Variants in PALM2AKAP2 observed in about 807,000 individuals in gnomAD.
PALM2AKAP2 encodes PALM2-AKAP2 fusion protein.
PALM2AKAP2 carries 37 observed loss-of-function variants against 71.5 expected under a neutral mutation model. That is an observed-to-expected ratio of 0.52 (90% CI 0.40 to 0.68). PALM2AKAP2 has a LOEUF of 0.68. Ranked by LOEUF, PALM2AKAP2 falls within the 30% of genes least tolerant of loss-of-function variation. The pLI, the probability that PALM2AKAP2 is intolerant of heterozygous loss-of-function variation, is 0.00. For synonymous variants in PALM2AKAP2, 468 were observed against 478.8 expected, an observed-to-expected ratio of 0.98 and a Z score of 0.29; for missense variants, 1,224 against 1,191.8, an observed-to-expected ratio of 1.03 and a Z score of -0.40.
At chr9:109,932,397 A>G (rs557318674) in intron 6 of PALM2AKAP2, among the ~76,000 whole-genome samples, 1 of 152,342 alleles carries the variant, frequency 6.6e-6, no homozygotes, top group East Asian at 1.9e-4. Context: ...CCATGATGGA[A>G]GCTGGATGGG....
intron 1 of PALM2AKAP2, among the ~76,000 whole-genome samples, chr9:109,791,228 T>C (rs939447152): frequency 1.3e-5 from 2 of 152,196 alleles, no homozygotes; most frequent in Non-Finnish European, 2.9e-5. Flanking sequence ...AGATCAGTAT[T>C]GGATGCGATG....
intron 1 of PALM2AKAP2, among the ~76,000 whole-genome samples, chr9:110,128,679 G>A (rs935783102): frequency 3.9e-5 from 6 of 152,216 alleles, no homozygotes; most frequent in East Asian, 1.9e-4. Flanking sequence ...CTAGGAGGTC[G>A]AGATGGGTTA....
intron 2 of PALM2AKAP2, among the ~76,000 whole-genome samples, chr9:110,154,440 G>A (rs539576917): frequency 7.9e-5 from 12 of 152,318 alleles, no homozygotes; most frequent in Admixed American, 3.3e-4. Context: ...GTGTGCAGGA[G>A]TGAGGTGACC....
At chr9:109,652,274 G>C (rs763641597) in intron 1 of PALM2AKAP2, among the ~76,000 whole-genome samples, 2 of 152,168 alleles carry the variant, frequency 1.3e-5, no homozygotes, top group Non-Finnish European at 2.9e-5. Flanking sequence ...CTAGTGAGAA[G>C]TGTTTGAGTC....
intron 1 of PALM2AKAP2, among the ~76,000 whole-genome samples, chr9:110,105,239 C>T (rs919964934): frequency 5.3e-5 from 8 of 152,134 alleles, no homozygotes; most frequent in Non-Finnish European, 1.2e-4. Flanking sequence ...CAAGAAAGCC[C>T]TTGGGTTACT....
At chr9:109,837,943 C>T (rs1828527290) in intron 1 of PALM2AKAP2, among the ~76,000 whole-genome samples, 1 of 152,126 alleles carries the variant, frequency 6.6e-6, no homozygotes, top group Admixed American at 6.5e-5. Flanking sequence ...GACTTTAACA[C>T]CCCACTATCA....
chr9:109,869,495 A>ATT (rs35676745), intron 2 of PALM2AKAP2, among the ~76,000 whole-genome samples: 3,232 of 142,174 alleles, frequency 0.023, 41 homozygotes, highest in Non-Finnish European at 0.028. Context: ...CGCCCAGCTA[A>ATT]TTTTTTTTTT....
At chr9:109,955,199 C>G (rs772621081) in intron 6 of PALM2AKAP2, among the ~76,000 whole-genome samples, 6 of 152,144 alleles carry the variant, frequency 3.9e-5, no homozygotes, top group Non-Finnish European at 7.4e-5. Flanking sequence ...AGACTCAGAA[C>G]TAAAGTCCCC....
chr9:109,789,273 T>C (rs1827046617), intron 1 of PALM2AKAP2, among the ~76,000 whole-genome samples: 1 of 152,174 alleles, frequency 6.6e-6, no homozygotes, highest in African/African-American at 2.4e-5. Context: ...AGACATCAAA[T>C]AGCAGATCAG....
At chr9:110,035,874 CAT>C (rs762111363) in intron 7 of PALM2AKAP2, among the ~76,000 whole-genome samples, 9 of 136,504 alleles carry the variant, frequency 6.6e-5, no homozygotes, top group African/African-American at 1.0e-4. Context: ...TTATATATAA[CAT>C]ATATGATATG....
intron 3 of PALM2AKAP2, among the ~76,000 whole-genome samples, chr9:109,881,824 C>T (rs1462523507): frequency 6.7e-6 from 1 of 148,248 alleles, no homozygotes; most frequent in Non-Finnish European, 1.5e-5. Flanking sequence ...CCAAATTCTA[C>T]CTGAAATCTC....
chr9:110,165,283 TTCACACACACAC>T (rs1274446039), intron 3 of PALM2AKAP2, among the ~76,000 whole-genome samples: 4 of 93,172 alleles, frequency 4.3e-5, no homozygotes, highest in Non-Finnish European at 8.2e-5. Flanking sequence ...TTGCTAGAGA[TTCACACACACAC>T]ACACACACAC....
intron 1 of PALM2AKAP2, among the ~76,000 whole-genome samples, chr9:109,717,951 G>C (rs1239391589): frequency 6.6e-6 from 1 of 152,232 alleles, no homozygotes; most frequent in Non-Finnish European, 1.5e-5. Flanking sequence ...AAGAGAGAGA[G>C]AGAAAGGGAG....
At chr9:109,971,414 T>A (rs943798299) in intron 6 of PALM2AKAP2, among the ~76,000 whole-genome samples, 2 of 148,800 alleles carry the variant, frequency 1.3e-5, no homozygotes, top group Non-Finnish European at 3.0e-5. Flanking sequence ...CCCCACACAT[T>A]CAAGAAAGAC....
intron 3 of PALM2AKAP2, among the ~76,000 whole-genome samples, chr9:109,920,110 C>T (rs1418295412): frequency 6.6e-6 from 1 of 152,168 alleles, no homozygotes; most frequent in African/African-American, 2.4e-5. Context: ...ATTGTCTTGG[C>T]ATTGGAAGGG....
chr9:110,055,316 C>T (rs1833811671), intron 1 of PALM2AKAP2, among the ~76,000 whole-genome samples: 1 of 152,140 alleles, frequency 6.6e-6, no homozygotes, highest in Non-Finnish European at 1.5e-5. Context: ...CTGCCTCAGC[C>T]TCCTGAGTAG....
chr9:110,039,951 A>AAAGG (rs10673017), intron 7 of PALM2AKAP2, among the ~76,000 whole-genome samples: 4,704 of 152,010 alleles, frequency 0.031, 248 homozygotes, highest in African/African-American at 0.11. Context: ...TCTAACAAGA[A>AAAGG]AAGGAAGGAA....
intron 1 of PALM2AKAP2, among the ~76,000 whole-genome samples, chr9:109,762,548 G>A (rs920356565): frequency 7.2e-5 from 11 of 152,122 alleles, no homozygotes; most frequent in African/African-American, 2.4e-4. Flanking sequence ...AGGGATTATT[G>A]GAGCTGGCAA....
chr9:110,084,720 C>T (rs976602482), intron 1 of PALM2AKAP2, among the ~76,000 whole-genome samples: 2 of 152,024 alleles, frequency 1.3e-5, no homozygotes, highest in African/African-American at 4.8e-5. Flanking sequence ...TGCTACCATA[C>T]TTTGTTTGTT....
Sources: gnomAD v4.1 joint callset for allele counts (sites outside exome capture counted in the v4.1 genomes callset) on GRCh38, gnomAD v4.1.1 for gene constraint, MANE v1.5 for transcripts, NCBI Gene and HGNC (gene_info 2026-07-23, HGNC 2026-07-21) for gene names.